The following SHPK variants were observed in gnomAD, a reference collection of about 807,000 sequenced individuals.
SHPK encodes sedoheptulokinase, also known as carbohydrate kinase-like protein.
SHPK carries 51 observed loss-of-function variants against 46.3 expected under a neutral mutation model. The observed-to-expected ratio is 1.10, with a 90% CI of 0.88 to 1.39. The LOEUF is 1.39. SHPK is among the 40% of genes most tolerant of loss of function. SHPK has a pLI of 0.00. For synonymous variants in SHPK, 290 were observed against 273.9 expected (o/e 1.06, Z -0.58); for missense variants, 668 against 641.3 (o/e 1.04, Z -0.45).
chr17:3,611,011 C>A, intron 6 of SHPK, 39 bp from the exon 7 acceptor site: 3 of 1,550,856 alleles, frequency 1.9e-6, no homozygotes, highest in Non-Finnish European at 2.6e-6. Flanking sequence ...GCTCATGCGT[C>A]CCCCTCAGTG....
intron 6 of SHPK, among the ~76,000 whole-genome samples, chr17:3,611,258 A>C (rs1015518252): frequency 1.3e-5 from 2 of 152,064 alleles, no homozygotes; most frequent in South Asian, 2.1e-4. Flanking sequence ...AAGGGGACCA[A>C]ATGCATATAC....
At chr17:3,615,748 G>A (rs552484997) in intron 5 of SHPK, among the ~76,000 whole-genome samples, 1 of 151,948 alleles carries the variant, frequency 6.6e-6, no homozygotes, top group Non-Finnish European at 1.5e-5. Flanking sequence ...GGCTAACTCA[G>A]AGGTCACAAG....
chr17:3,630,145 A>T lies in SHPK; in HGVS notation c.310+60T>A, dbSNP rs1441117634. The T allele has an allele frequency of 9.3e-6, 15 of 1,604,358 alleles. No homozygotes were observed. In the East Asian group the frequency reaches 3.1e-4, roughly 33 times the overall value. On this transcript the variant is annotated intron_variant, in intron 2 of 6. Transcript: ENST00000225519. The stretch of plus-strand genomic sequence containing the variant: ...CCCTTCACAGAAAGCCCCGCACAGC[A>T]CTGCTCTAGTTCTGGAAGTGACTGC...
chr17:3,635,733 A>C (rs1567689377), intron 1 of SHPK, among the ~76,000 whole-genome samples: 8 of 152,140 alleles, frequency 5.3e-5, no homozygotes, highest in Admixed American at 4.6e-4. Flanking sequence ...GTCATTCCAT[A>C]CACACAAGAG....
At chr17:3,627,978 G>C (rs79950433) in intron 2 of SHPK, among the ~76,000 whole-genome samples, 1 of 151,828 alleles carries the variant, frequency 6.6e-6, no homozygotes, top group Non-Finnish European at 1.5e-5. Context: ...GATGATAGCC[G>C]GACAGGAGGG....
Position 3,610,481 on chromosome 17 carries a change from A to T in SHPK, c.*79T>A. 2.1e-6 allele frequency: 3 copies of T among 1,437,562 alleles called. 1 individual carries two copies. The South Asian group carries it at 3.8e-5, about 18-fold the overall frequency. 89.1% of individuals were successfully genotyped at this position (1,437,562 alleles called of 1,614,324 possible). ...AAGCTGTCCACTGAACGGTCCAGGG[A>T]AAGGATGACCCACAGATGGTGTCAG... On this transcript the variant is annotated 3_prime_UTR_variant, in exon 7 of 7. Transcript: ENST00000225519.
intron 6 of SHPK, among the ~76,000 whole-genome samples, chr17:3,614,655 C>T (rs1194157122): frequency 6.6e-6 from 1 of 152,062 alleles, no homozygotes; most frequent in Non-Finnish European, 1.5e-5. Flanking sequence ...CAAGACCAGC[C>T]TGGCCAACAT....
At chr17:3,636,023 G>GGCGGC in intron 1 of SHPK, 29 bp downstream of exon 1, 2 of 1,513,820 alleles carry the variant, frequency 1.3e-6, no homozygotes, top group Non-Finnish European at 1.8e-6. Flanking sequence ...GGCTCCTGGA[G>GGCGGC]GCGGCGCGGC....
intron 5 of SHPK, among the ~76,000 whole-genome samples, chr17:3,616,775 G>C (rs939878323): frequency 6.6e-6 from 1 of 152,164 alleles, no homozygotes; most frequent in African/African-American, 2.4e-5. Context: ...GTTTTGCTCT[G>C]TCACCCAGTC....
intron 1 of SHPK, among the ~76,000 whole-genome samples, chr17:3,631,035 T>C (rs2075467880): frequency 6.6e-6 from 1 of 152,106 alleles, no homozygotes; most frequent in Non-Finnish European, 1.5e-5. Context: ...CCGGGAGTGC[T>C]GTCTTCCCCT....
intron 1 of SHPK, among the ~76,000 whole-genome samples, chr17:3,633,256 C>T (rs1043912048): frequency 2.0e-5 from 3 of 151,922 alleles, no homozygotes; most frequent in African/African-American, 4.8e-5. Context: ...GCTGGGATTA[C>T]AGGCAAGAGC....
intron 1 of SHPK, among the ~76,000 whole-genome samples, chr17:3,632,607 G>C (rs2075479582): frequency 6.6e-6 from 1 of 152,118 alleles, no homozygotes; most frequent in South Asian, 2.1e-4. Context: ...TGATTGGGGA[G>C]TAGCTCTTGG....
chr17:3,623,967 C>T (rs772720175), intron 3 of SHPK, 81 bp downstream of exon 3: 93 of 1,354,124 alleles, frequency 6.9e-5, no homozygotes, highest in Admixed American at 7.9e-5. Context: ...GCCCAGCAGG[C>T]GGGGTGATGC....
intron 1 of SHPK, among the ~76,000 whole-genome samples, chr17:3,634,985 A>T (rs2075500021): frequency 6.6e-6 from 1 of 151,862 alleles, no homozygotes; most frequent in Non-Finnish European, 1.5e-5. Context: ...CAGTCTGGCG[A>T]ACATGGCGAA....
At chr17:3,622,146 T>C (rs995135518) in intron 4 of SHPK, among the ~76,000 whole-genome samples, 7 of 152,156 alleles carry the variant, frequency 4.6e-5, no homozygotes, top group African/African-American at 1.7e-4. Context: ...TTTGTTTGTT[T>C]CCAGGAAACT....
At chr17:3,629,383 T>C (rs1248103395) in intron 2 of SHPK, among the ~76,000 whole-genome samples, 1 of 152,164 alleles carries the variant, frequency 6.6e-6, no homozygotes, top group African/African-American at 2.4e-5. Context: ...CTCCGCACTG[T>C]GGCAGATCTT....
rs2075462567 is a variant in SHPK at position 3,630,279 on chromosome 17, G to A, written c.236C>T (p.Pro79Leu). Residue 79 changes from proline to leucine, a missense_variant, in exon 2 of 7, where the codon CCC becomes CTC. Pro to Leu is a moderately conservative substitution (Grantham distance 98, BLOSUM62 -3). Transcript: ENST00000225519. ...LHECLAALPR[P>L]QLRSVVGIGV... ...GATGCCCACGACGCTCCGGAGCTGGGGTCGGGGAAGGGCAGCAAGGCACTC... is the reference window on the plus strand; with the variant it reads ...GATGCCCACGACGCTCCGGAGCTGGAGTCGGGGAAGGGCAGCAAGGCACTC... 1.2e-6 allele frequency: 2 copies of A among 1,613,702 alleles called. No homozygotes were observed. Among genetic ancestry groups the A allele is most frequent in the South Asian group, 2.2e-5 (2 of 91,078 alleles).
Position 3,610,616 on chromosome 17 carries a change from C to A in SHPK, c.1381G>T (p.Ala461Ser). Reference sequence around the variant, plus strand: ...AGCATGACCAGAGCTGCCCCGACAGCTGCATCCACATCCTGCCCAAAGGAC... The same window carrying A: ...AGCATGACCAGAGCTGCCCCGACAGATGCATCCACATCCTGCCCAAAGGAC... Reference protein sequence around the residue: ...PMSFGQDVDAAVGAALVMLRR... With the variant: ...PMSFGQDVDASVGAALVMLRR... The change falls in exon 7 of 7, where the codon GCT becomes TCT. Residue 461 changes from alanine to serine, a missense_variant. Ala to Ser is a moderately conservative substitution (Grantham distance 99). Coordinates refer to ENST00000225519, the MANE Select transcript of SHPK (RefSeq NM_013276.4). 1 of 1,613,742 alleles carries A rather than the reference C, an allele frequency of 6.2e-7. No individual in the cohort carries two copies. Among genetic ancestry groups the A allele is most frequent in the Non-Finnish European group, 8.5e-7 (1 of 1,179,824 alleles).
intron 5 of SHPK, among the ~76,000 whole-genome samples, chr17:3,618,441 T>C (rs1674423951): frequency 6.6e-6 from 1 of 152,142 alleles, no homozygotes; most frequent in Non-Finnish European, 1.5e-5. Context: ...ACTTCTTCTA[T>C]CCAACATTCA....
Sources: allele counts gnomAD v4.1 joint callset (sites outside exome capture counted in the v4.1 genomes callset), GRCh38; gene constraint gnomAD v4.1.1; transcripts MANE v1.5; gene names NCBI Gene and HGNC (gene_info 2026-07-23, HGNC 2026-07-21).